The following ROS1 variants were observed in gnomAD, a reference collection of about 807,000 sequenced individuals.
The protein encoded by ROS1 is proto-oncogene tyrosine-protein kinase ROS.
ROS1 carries 263 observed loss-of-function variants against 273.5 expected under a neutral mutation model. The ratio of observed to expected loss-of-function variants is 0.96; its 90% CI spans 0.87 to 1.06. ROS1 has a LOEUF of 1.06. Among genes scored for constraint, ROS1 ranks in the 50% least tolerant of loss-of-function variants. ROS1 has a pLI of 0.00. For synonymous variants in ROS1, 1,008 were observed against 954.1 expected, an observed-to-expected ratio of 1.06 and a Z score of -1.04; for missense variants, 2,833 against 2,751.1, an observed-to-expected ratio of 1.03 and a Z score of -0.67.
At chr6:117,415,627 G>A (rs1207689074) in intron 3 of ROS1, among the ~76,000 whole-genome samples, 1 of 152,168 alleles carries the variant, frequency 6.6e-6, no homozygotes, top group East Asian at 1.9e-4. Context: ...AGTACCTTAA[G>A]TTACACACTG....
intron 42 of ROS1, among the ~76,000 whole-genome samples, chr6:117,302,276 C>G (rs549970276): frequency 6.6e-6 from 1 of 152,226 alleles, no homozygotes; most frequent in South Asian, 2.1e-4. Flanking sequence ...AATAACCCAA[C>G]CTCTCTTATT....
At chr6:117,303,059 A>G (rs1774852525) in intron 42 of ROS1, among the ~76,000 whole-genome samples, 1 of 152,206 alleles carries the variant, frequency 6.6e-6, no homozygotes, top group Non-Finnish European at 1.5e-5. Flanking sequence ...TACACAGACA[A>G]TTAAAATCTA....
intron 27 of ROS1, among the ~76,000 whole-genome samples, chr6:117,347,867 A>G (rs1778504733): frequency 6.6e-6 from 1 of 152,044 alleles, no homozygotes; most frequent in South Asian, 2.1e-4. Flanking sequence ...AGTGGACTAC[A>G]TTAATTGATT....
In ROS1 at chr6:117,393,321, C is replaced by G. The variant is rs1360638449; in HGVS notation, c.1192G>C (p.Val398Leu). 1 of 1,588,702 alleles carries G rather than the reference C, an allele frequency of 6.3e-7. No individual in the cohort carries two copies. The highest frequency in any genetic ancestry group is 2.2e-5 in the East Asian group (1 of 44,712). ...QRMYFIMDELVCVCDLENCSN... is the reference protein window; with the variant it reads ...QRMYFIMDELLCVCDLENCSN... ...CAGTTCTCTAAATCACAGACACATA[C>G]CTAAAAAAATAAAAAATATACCGGT... is the stretch of plus-strand genomic sequence containing the variant. Residue 398 changes from valine to leucine, a missense_variant and splice_region_variant, in exon 12 of 44, where the codon GTA becomes CTA. Transcript: ENST00000368507.
intron 1 of ROS1, among the ~76,000 whole-genome samples, chr6:117,423,539 A>T (rs1425613805): frequency 6.6e-6 from 1 of 152,168 alleles, no homozygotes; most frequent in African/African-American, 2.4e-5. Flanking sequence ...TCTAGAATTC[A>T]AAAAAACTTT....
chr6:117,320,632 T>A (rs114039479), intron 36 of ROS1, among the ~76,000 whole-genome samples: 15 of 152,274 alleles, frequency 9.9e-5, no homozygotes, highest in African/African-American at 3.6e-4. Flanking sequence ...CAAAGGAAAG[T>A]CACCTCTAAA....
At chr6:117,372,327 T>C (rs1034094395) in intron 18 of ROS1, among the ~76,000 whole-genome samples, 3 of 152,234 alleles carry the variant, frequency 2.0e-5, no homozygotes, top group Non-Finnish European at 2.9e-5. Flanking sequence ...GCTGATAACA[T>C]GATCATATAT....
At chr6:117,321,829 A>ATTTTTTTTT (rs11451804) in intron 35 of ROS1, among the ~76,000 whole-genome samples, 1 of 123,028 alleles carries the variant, frequency 8.1e-6, no homozygotes, top group African/African-American at 3.1e-5. Flanking sequence ...TATAATGGCA[A>ATTTTTTTTT]TTTTTTTTTT....
intron 39 of ROS1, among the ~76,000 whole-genome samples, chr6:117,313,130 A>T (rs1254304071): frequency 6.6e-6 from 1 of 152,062 alleles, no homozygotes; most frequent in African/African-American, 2.4e-5. Flanking sequence ...TACATCCTTC[A>T]CCGTTGTATA....
At chr6:117,290,124 A>G (rs1773731096) in intron 43 of ROS1, among the ~76,000 whole-genome samples, 1 of 152,226 alleles carries the variant, frequency 6.6e-6, no homozygotes, top group Non-Finnish European at 1.5e-5. Context: ...TCATTGTCAT[A>G]CATTTAATCC....
At chr6:117,359,593 C>T (rs1332814401) in intron 24 of ROS1, among the ~76,000 whole-genome samples, 9 of 152,192 alleles carry the variant, frequency 5.9e-5, no homozygotes, top group African/African-American at 2.2e-4. Context: ...TCTAACACAG[C>T]ATCCTAAACC....
In ROS1 at chr6:117,403,199, T is replaced by G. The variant is rs1407611836; in HGVS notation, c.544A>C (p.Thr182Pro). ...EYIFRVVWIF[T>P]AQLQLYSPPS... ...GGGGAGTAGAGCTGCAGCTGCGCTG[T>G]GAAGATCCAAACCACTCGGAAAATG... Residue 182 changes from threonine (T) to proline (P), a missense_variant, in exon 7 of 44, where the codon ACA becomes CCA. Physicochemically the swap from Thr to Pro is conservative, Grantham distance 38. Coordinates refer to ENST00000368507, the MANE Select transcript of ROS1 (RefSeq NM_001378902.1). The G allele has an allele frequency of 3.1e-6, 5 of 1,612,794 alleles. No homozygotes were observed. In the South Asian group the frequency reaches 5.5e-5, roughly 18 times the overall value.
In ROS1 at chr6:117,394,154, G is replaced by A. The variant is rs764885498; in HGVS notation, c.1191+8C>T. 1.1e-4 allele frequency: 167 copies of A among 1,554,326 alleles called. No individual in the cohort carries two copies. In the East Asian group the frequency reaches 2.2e-3, roughly 20 times the overall value. On this transcript the variant is annotated splice_region_variant and intron_variant, in intron 11 of 43. Coordinates refer to ENST00000368507, the MANE Select transcript of ROS1 (RefSeq NM_001378902.1). ...TATCACTATTCCTCTTTAACTTCTC[G>A]GACTAACCAGTTCATCCATGATGAA...
At chr6:117,305,341 A>C (rs1775024089) in intron 42 of ROS1, among the ~76,000 whole-genome samples, 1 of 152,206 alleles carries the variant, frequency 6.6e-6, no homozygotes, top group African/African-American at 2.4e-5. Flanking sequence ...AGGTGGGGGA[A>C]AAAGAAACCA....
intron 33 of ROS1, among the ~76,000 whole-genome samples, chr6:117,327,484 A>G (rs760348831): frequency 2.0e-5 from 3 of 152,212 alleles, no homozygotes; most frequent in Admixed American, 6.5e-5. Context: ...TTGAGAAAAG[A>G]AAGAAGAATT....
At chr6:117,325,072 T>C (rs1041234033) in intron 34 of ROS1, among the ~76,000 whole-genome samples, 8 of 152,146 alleles carry the variant, frequency 5.3e-5, no homozygotes, top group African/African-American at 1.9e-4. Flanking sequence ...ATATTTACTA[T>C]TTGGTTCTTT....
chr6:117,394,834 CT>C, intron 9 of ROS1, 96 bp from the exon 10 acceptor site: 2 of 1,123,650 alleles, frequency 1.8e-6, no homozygotes, highest in East Asian at 5.1e-5. Flanking sequence ...AGCAAGGGGA[CT>C]AGTGCTTGAA....
intron 5 of ROS1, among the ~76,000 whole-genome samples, chr6:117,409,293 T>C (rs963490475): frequency 2.0e-5 from 3 of 152,190 alleles, no homozygotes; most frequent in Non-Finnish European, 2.9e-5. Context: ...TGTACATTTG[T>C]CTGTCATTAA....
chr6:117,318,330 T>C (rs1394240812), intron 37 of ROS1, 78 bp from the exon 38 acceptor site: 2 of 1,036,728 alleles, frequency 1.9e-6, no homozygotes, highest in Admixed American at 1.7e-5. Flanking sequence ...GAGATTGTTC[T>C]GTTTGTTCTG....
Sources: gnomAD v4.1 joint callset for allele counts (sites outside exome capture counted in the v4.1 genomes callset) on GRCh38, gnomAD v4.1.1 for gene constraint, MANE v1.5 for transcripts, NCBI Gene and HGNC (gene_info 2026-07-23, HGNC 2026-07-21) for gene names.